The following ADCY5 variants were observed in gnomAD, a reference collection of about 807,000 sequenced individuals.
The protein encoded by ADCY5 is adenylate cyclase 5, also known as adenylate cyclase type 5.
A neutral mutation model predicts 119.7 loss-of-function variants in ADCY5; 30 were observed. The observed-to-expected ratio is 0.25, with a 90% CI of 0.19 to 0.34. ADCY5 has a LOEUF of 0.34. Ranked by LOEUF, ADCY5 falls within the 10% of genes least tolerant of loss-of-function variation. The pLI, the probability that ADCY5 is intolerant of heterozygous loss-of-function variation, is 1.00. For synonymous variants in ADCY5, 753 were observed against 762.2 expected, an observed-to-expected ratio of 0.99 and a Z score of 0.20; for missense variants, 1,324 against 1,775.2, an observed-to-expected ratio of 0.75 and a Z score of 4.57.
Position 123,300,305 on chromosome 3 carries a change from G to C in ADCY5, c.2725-10C>G. 1 of 1,612,494 alleles carries C rather than the reference G, an allele frequency of 6.2e-7. No homozygotes were observed. The highest frequency in any genetic ancestry group is 2.2e-5 in the East Asian group (1 of 44,874). On this transcript the variant is annotated splice_polypyrimidine_tract_variant and intron_variant, in intron 14 of 20. Coordinates refer to ENST00000462833, the MANE Select transcript of ADCY5 (RefSeq NM_183357.3). ...CGCTGTAGGTGAAGTACTGCGGGCA[G>C]AGGGCAGCAGCATCAGCTCCCCAGG... is the stretch of plus-strand genomic sequence containing the variant.
chr3:123,383,620 C>T (rs1310287119), intron 1 of ADCY5, among the ~76,000 whole-genome samples: 1 of 152,166 alleles, frequency 6.6e-6, no homozygotes, highest in East Asian at 1.9e-4. Flanking sequence ...AAAGTGCCCG[C>T]CCACGGGGCT....
At chr3:123,324,404 CCACACACACACA>C (rs10522987) in intron 8 of ADCY5, among the ~76,000 whole-genome samples, 13,368 of 109,254 alleles carry the variant, frequency 0.12, 876 homozygotes, top group Non-Finnish European at 0.15. Context: ...CACACAGAAA[CCACACACACACA>C]CACACACACA....
At chr3:123,290,468 CGGCGT>C (rs1939075300) in intron 18 of ADCY5, among the ~76,000 whole-genome samples, 1 of 152,224 alleles carries the variant, frequency 6.6e-6, no homozygotes, top group African/African-American at 2.4e-5. Context: ...TGCCCAGGCC[CGGCGT>C]GCCCGCTGGG....
intron 14 of ADCY5, among the ~76,000 whole-genome samples, chr3:123,301,861 G>A (rs1939871547): frequency 6.6e-6 from 1 of 152,136 alleles, no homozygotes. Context: ...CTAGGAAGGG[G>A]AGGCTGGGTG....
intron 1 of ADCY5, among the ~76,000 whole-genome samples, chr3:123,417,527 C>G (rs1034280695): frequency 5.9e-5 from 9 of 152,246 alleles, no homozygotes; most frequent in Non-Finnish European, 8.8e-5. Context: ...CATTCAGGGA[C>G]AAGTCCTTAC....
At chr3:123,327,483 T>C in intron 7 of ADCY5, 135 bp downstream of exon 7, 1 of 985,944 alleles carries the variant, frequency 1.0e-6, no homozygotes, top group Non-Finnish European at 1.4e-6. Flanking sequence ...GGGGTCCTTT[T>C]TAAGATGCAG....
intron 1 of ADCY5, among the ~76,000 whole-genome samples, chr3:123,369,685 A>G (rs1273406457): frequency 1.3e-5 from 2 of 152,238 alleles, no homozygotes; most frequent in East Asian, 3.9e-4. Flanking sequence ...GTGAACAGCA[A>G]GAGGCCTGGA....
At chr3:123,383,852 G>GGCAC (rs1944118627) in intron 1 of ADCY5, among the ~76,000 whole-genome samples, 1 of 149,352 alleles carries the variant, frequency 6.7e-6, no homozygotes, top group South Asian at 2.1e-4. Flanking sequence ...ACTTCCTCAA[G>GGCAC]GCACGCACAC....
intron 8 of ADCY5, among the ~76,000 whole-genome samples, chr3:123,322,097 G>A (rs1478171809): frequency 1.3e-5 from 2 of 152,162 alleles, no homozygotes; most frequent in Admixed American, 1.3e-4. Context: ...CTCTCCCTCT[G>A]GGGGGCAGGC....
At position 123,447,521 on chromosome 3, in the gene ADCY5, A is replaced by T. The variant is rs1482853388; in HGVS notation, c.1025T>A (p.Leu342Gln). ...TVFFIYTIYT[L>Q]LPVRMRAAVL... The stretch of plus-strand genomic sequence containing the variant: ...TGCGGCCCGCATGCGCACGGGCAGC[A>T]GCGTGTAGATGGTGTAGATGAAGAA... The change falls in exon 1 of 21, where the codon CTG (leucine) becomes CAG (glutamine). Residue 342 changes from leucine to glutamine, a missense_variant. Physicochemically the swap from Leu to Gln is moderately radical, Grantham distance 113 (BLOSUM62 -2). This residue lies in a region of ADCY5 where 585 missense variants were observed against 569.9 expected (regional missense o/e 1.03). Coordinates refer to ENST00000462833, the MANE Select transcript of ADCY5 (RefSeq NM_183357.3). 6.2e-7 allele frequency: 1 copy of T among 1,611,298 alleles called. No homozygotes were observed. The highest frequency in any genetic ancestry group is 8.5e-7 in the Non-Finnish European group (1 of 1,179,704).
At chr3:123,316,790 T>G (rs1434274495) in intron 11 of ADCY5, among the ~76,000 whole-genome samples, 1 of 152,172 alleles carries the variant, frequency 6.6e-6, no homozygotes, top group Non-Finnish European at 1.5e-5. Flanking sequence ...TTTTGGTATA[T>G]AAAGTATTGG....
intron 1 of ADCY5, among the ~76,000 whole-genome samples, chr3:123,396,920 G>A (rs1944614725): frequency 6.6e-6 from 1 of 152,018 alleles, no homozygotes; most frequent in Admixed American, 6.6e-5. Context: ...ACGCCTGCGG[G>A]CACTTCACAC....
chr3:123,319,129 G>A (rs954891050), intron 10 of ADCY5, among the ~76,000 whole-genome samples: 1 of 152,132 alleles, frequency 6.6e-6, no homozygotes, highest in Non-Finnish European at 1.5e-5. Flanking sequence ...CGAGGCGGGT[G>A]GATCACCTGA....
At chr3:123,299,962 GAA>G (rs1255928999) in intron 15 of ADCY5, among the ~76,000 whole-genome samples, 156 bp downstream of exon 15, 1 of 152,202 alleles carries the variant, frequency 6.6e-6, no homozygotes, top group African/African-American at 2.4e-5. Context: ...GGGAAGGAAG[GAA>G]AGAAACAAGG....
Position 123,303,223 on chromosome 3 carries a change from G to A in ADCY5, c.2560-4C>T, listed in dbSNP as rs748860963. On this transcript the variant is annotated splice_region_variant and splice_polypyrimidine_tract_variant and intron_variant, in intron 13 of 20. Transcript: ENST00000462833. ...GGTCCCTGGAGTTGCACGTGAACTG[G>A]GGGGAGGAAGGAGGGTGATGAGGGG... 1.9e-6 allele frequency: 3 copies of A among 1,611,552 alleles called. No homozygotes were observed. Among genetic ancestry groups the A allele is most frequent in the Admixed American group, 3.3e-5 (2 of 59,988 alleles).
rs372790026 is a variant in ADCY5, at chr3:123,297,433, C to T, written c.2901-51G>A. On this transcript the variant is annotated intron_variant, in intron 15 of 20. Transcript: ENST00000462833. ...GTCAGGGCCACCCTTCTGCATAAGGCGGCCTCCACTCCTGCTCAGCCCCCA... is the reference window on the plus strand; with the variant it reads ...GTCAGGGCCACCCTTCTGCATAAGGTGGCCTCCACTCCTGCTCAGCCCCCA... 377 of 1,590,312 alleles carry T rather than the reference C, an allele frequency of 2.4e-4. 1 individual carries two copies. Among genetic ancestry groups the T allele is most frequent in the South Asian group, 4.5e-4 (41 of 90,602 alleles).
At chr3:123,284,827 T>A in intron 20 of ADCY5, 91 bp from the exon 21 acceptor site, 1 of 1,542,350 alleles carries the variant, frequency 6.5e-7, no homozygotes, top group Non-Finnish European at 8.9e-7. Context: ...TGCCCAGCCC[T>A]GTTGCCGCCC....
At chr3:123,369,823 C>A (rs1943571573) in intron 1 of ADCY5, among the ~76,000 whole-genome samples, 1 of 152,170 alleles carries the variant, frequency 6.6e-6, no homozygotes, top group Non-Finnish European at 1.5e-5. Flanking sequence ...CAGCTGCTTC[C>A]CAAGAGCACT....
At chr3:123,341,802 A>G (rs1344449648) in intron 3 of ADCY5, among the ~76,000 whole-genome samples, 1 of 152,102 alleles carries the variant, frequency 6.6e-6, no homozygotes, top group East Asian at 1.9e-4. Context: ...AGGAGCAGAG[A>G]CAGTGTCTTT....
Sources: allele counts gnomAD v4.1 joint callset (sites outside exome capture counted in the v4.1 genomes callset), GRCh38; gene constraint gnomAD v4.1.1; regional missense constraint gnomAD v4.1.1; transcripts MANE v1.5; gene names NCBI Gene and HGNC (gene_info 2026-07-23, HGNC 2026-07-21).